Variants in OR7D2 observed in about 807,000 individuals in gnomAD.
The protein encoded by OR7D2 is olfactory receptor family 7 subfamily D member 2.
For missense variants in OR7D2, 370 were observed against 384.1 expected (o/e 0.96, Z 0.31); for synonymous variants, 158 against 158.7 (o/e 1.00, Z 0.03).
At position 9,186,675 on chromosome 19, in the gene OR7D2, G is replaced by A. The variant is rs930432833; in HGVS notation, c.894G>A (p.Lys298=). The A allele has an allele frequency of 4.3e-6, 7 of 1,613,616 alleles. No individual in the cohort carries two copies. In the African/African-American group the frequency reaches 9.3e-5, roughly 22 times the overall value. Residue 298 remains lysine, a synonymous_variant, in exon 3 of 3, where the codon AAG becomes AAA. Coordinates refer to ENST00000641288, the MANE Select transcript of OR7D2 (RefSeq NM_175883.4). ...FIYSLRNKDV[K]GALGSLLSRA... ...ACAGCCTGAGGAACAAGGATGTGAA[G>A]GGAGCCCTGGGGAGTCTCCTCAGCA...
rs748045248 is a variant in OR7D2 at position 9,186,213 on chromosome 19, G to A, written c.432G>A (p.Leu144=). The A allele has an allele frequency of 1.2e-6, 2 of 1,613,880 alleles. No homozygotes were observed. Among genetic ancestry groups the A allele is most frequent in the African/African-American group, 2.7e-5 (2 of 74,862 alleles). ...IIMNPHLCGL[L]VFVTWLIGVM... The stretch of plus-strand genomic sequence containing the variant: ...TGAACCCCCACCTCTGTGGCCTCCT[G>A]GTTTTTGTCACCTGGCTCATTGGTG... The change falls in exon 3 of 3, where the codon CTG becomes CTA. Residue 144 remains leucine, a synonymous_variant. Transcript: ENST00000641288.
chr19:9,186,639 C>T lies in OR7D2; in HGVS notation c.858C>T (p.Asn286=). ...VMYTVVTPML[N]PFIYSLRNKD... ...ACACTGTGGTCACCCCCATGTTGAA[C>T]CCCTTCATCTACAGCCTGAGGAACA... is the stretch of plus-strand genomic sequence containing the variant. Residue 286 remains asparagine, a synonymous_variant, in exon 3 of 3, where the codon AAC becomes AAT. Coordinates refer to ENST00000641288, the MANE Select transcript of OR7D2 (RefSeq NM_175883.4). The T allele has an allele frequency of 6.2e-7, 1 of 1,614,070 alleles. No individual in the cohort carries two copies. The highest frequency in any genetic ancestry group is 8.5e-7 in the Non-Finnish European group (1 of 1,180,020).
chr19:9,184,228 C>T (rs1397603023), intron 2 of OR7D2, among the ~76,000 whole-genome samples: 1 of 151,438 alleles, frequency 6.6e-6, no homozygotes, highest in African/African-American at 2.4e-5. Context: ...AACCCTGTCT[C>T]TACTAAAAAA....
At chr19:9,185,703 C>T in intron 2 of OR7D2, 66 bp from the exon 3 acceptor site, 1 of 972,366 alleles carries the variant, frequency 1.0e-6, no homozygotes, top group East Asian at 2.5e-5. Context: ...TCCATCTCAG[C>T]CTCCCGAGTA....
intron 2 of OR7D2, among the ~76,000 whole-genome samples, chr19:9,184,692 T>C (rs534210199): frequency 1.3e-5 from 2 of 152,250 alleles, no homozygotes; most frequent in African/African-American, 4.8e-5. Flanking sequence ...GAAAATGTGA[T>C]ATATATGTAT....
chr19:9,183,951 G>A lies in OR7D2; in HGVS notation c.-13-1818G>A, dbSNP rs1367847353. Among the ~76,000 whole-genome samples the A allele has an allele frequency of 7.3e-5, 4 of 54,662 alleles. No homozygotes were observed. In the South Asian group the frequency reaches 2.6e-3, roughly 36 times the overall value. 35.9% of individuals were successfully genotyped at this position (54,662 alleles called of 152,430 possible). A position where few individuals can be genotyped will look rare whatever the true frequency, so the allele number is the denominator to read the frequency against. ...CCAGCCTGGGCGACAGCAAGACTCCGTCTCAAAAAAAAAAAAAAAAAAAAA... is the reference window on the plus strand; with the variant it reads ...CCAGCCTGGGCGACAGCAAGACTCCATCTCAAAAAAAAAAAAAAAAAAAAA... On this transcript the variant is annotated intron_variant, in intron 2 of 2. Transcript: ENST00000641288.
At chr19:9,184,761 ATGTATGTGTGTGTATATATATGTATG>A (rs1224709836) in intron 2 of OR7D2, among the ~76,000 whole-genome samples, 2 of 152,070 alleles carry the variant, frequency 1.3e-5, no homozygotes. Flanking sequence ...GTGTATATAT[ATGTATGTGTGTGTATATATATGTATG>A]TGTATGTGTG....
At position 9,187,497 on chromosome 19, in the gene OR7D2, T is replaced by TA. The variant is rs150569100; in HGVS notation, c.*777_*778insA. On this transcript the variant is annotated 3_prime_UTR_variant, in exon 3 of 3. Coordinates refer to ENST00000641288, the MANE Select transcript of OR7D2 (RefSeq NM_175883.4). ...TAGATACATACCATGTTTTCTTTTT[T>TA]TAAAAAAATTTATTTTTATGTCAGT... 32,306 of 151,056 alleles carry TA rather than the reference T, an allele frequency of 0.21. 3,483 individuals are homozygous for TA. The highest frequency in any genetic ancestry group is 0.28 in the South Asian group (1,296 of 4,710). The allele number at this position is 151,056 out of a possible 1,614,324, so 9.4% of individuals were successfully genotyped here. A position where few individuals can be genotyped will look rare whatever the true frequency, so the allele number is the denominator to read the frequency against.
chr19:9,182,148 GTTTA>G (rs926425091), intron 2 of OR7D2, among the ~76,000 whole-genome samples: 4 of 152,010 alleles, frequency 2.6e-5, no homozygotes, highest in East Asian at 1.9e-4. Context: ...TGGCATTTTT[GTTTA>G]TTTATCAGTT....
Position 9,180,002 on chromosome 19 carries a change from T to TAA in OR7D2, c.-104-684_-104-683dup, listed in dbSNP as rs111281985. 5.7e-3 allele frequency among the ~76,000 whole-genome samples: 830 copies of TAA among 145,672 alleles called. 12 individuals are homozygous for TAA. The East Asian group carries it at 0.074, about 13-fold the overall frequency. On this transcript the variant is annotated intron_variant, in intron 1 of 2. Coordinates refer to ENST00000641288, the MANE Select transcript of OR7D2 (RefSeq NM_175883.4). ...TGGGCAACAAGAACAAAACTCCGTC[T>TAA]AAAAAAAAAAAAATCAACAAAGCAA...
rs2051051477 is a variant in OR7D2, at chr19:9,188,021, A to C, written c.*1301A>C. 6.0e-6 allele frequency: 1 copy of C among 166,144 alleles called. No homozygotes were observed. Among genetic ancestry groups the C allele is most frequent in the African/African-American group, 2.4e-5 (1 of 41,374 alleles). The allele number at this position is 166,144 out of a possible 1,614,324, so 10.3% of individuals were successfully genotyped here. A position where few individuals can be genotyped will look rare whatever the true frequency, so the allele number is the denominator to read the frequency against. On this transcript the variant is annotated 3_prime_UTR_variant, in exon 3 of 3. Coordinates refer to ENST00000641288, the MANE Select transcript of OR7D2 (RefSeq NM_175883.4). ...GTGTATGTGTCTTTTTCACATAATG[A>C]CTTTGTTTCCTTTGGGTAGATACCC...
At chr19:9,181,417 C>T (rs2050988416) in intron 2 of OR7D2, among the ~76,000 whole-genome samples, 1 of 146,560 alleles carries the variant, frequency 6.8e-6, no homozygotes, top group Non-Finnish European at 1.5e-5. Context: ...TCTTTTTTGC[C>T]TCCTTTAATC....
Position 9,188,565 on chromosome 19 carries a change from C to A in OR7D2, c.*1845C>A. The A allele has an allele frequency of 6.0e-6, 1 of 167,096 alleles. No homozygotes were observed. The highest frequency in any genetic ancestry group is 1.5e-5 in the Non-Finnish European group (1 of 68,124). 10.4% of individuals were successfully genotyped at this position (167,096 alleles called of 1,614,324 possible). A position where few individuals can be genotyped will look rare whatever the true frequency, so the allele number is the denominator to read the frequency against. On this transcript the variant is annotated 3_prime_UTR_variant, in exon 3 of 3. Transcript: ENST00000641288. ...TGGCACTTCTGTCCTATGTGCTATT[C>A]AAAAATTGTGTCCTTGATCATCGTT...
chr19:9,182,993 A>T, intron 2 of OR7D2: 3 of 462,844 alleles, frequency 6.5e-6, no homozygotes, highest in Non-Finnish European at 1.3e-5. Context: ...TATCAATTTG[A>T]CATACACGGC....
At position 9,185,735 on chromosome 19, in the gene OR7D2, C is replaced by A. The variant is rs750999131; in HGVS notation, c.-13-34C>A. 9 of 1,369,218 alleles carry A rather than the reference C, an allele frequency of 6.6e-6. No individual in the cohort carries two copies. The South Asian group carries it at 1.1e-4, about 17-fold the overall frequency. The allele number at this position is 1,369,218 out of a possible 1,614,324, so 84.8% of individuals were successfully genotyped here. On this transcript the variant is annotated intron_variant, in intron 2 of 2. Coordinates refer to ENST00000641288, the MANE Select transcript of OR7D2 (RefSeq NM_175883.4). ...AGTAGCTGGGACTACAGGTGTCCACCACCATGCCTGGCTAATGACCTCTTC... is the reference window on the plus strand; with the variant it reads ...AGTAGCTGGGACTACAGGTGTCCACAACCATGCCTGGCTAATGACCTCTTC...
At chr19:9,180,014 A>C (rs2145977913) in intron 1 of OR7D2, among the ~76,000 whole-genome samples, 1 of 151,826 alleles carries the variant, frequency 6.6e-6, no homozygotes, top group East Asian at 1.9e-4. Flanking sequence ...AAAAAAAAAA[A>C]ATCAACAAAG....
chr19:9,179,833 GTC>G (rs770197120), intron 1 of OR7D2, among the ~76,000 whole-genome samples: 1 of 151,600 alleles, frequency 6.6e-6, no homozygotes, highest in East Asian at 2.0e-4. Flanking sequence ...GTGAAACCCT[GTC>G]TCTACTAAAA....
Position 9,186,760 on chromosome 19 carries a change from C to A in OR7D2, c.*40C>A, listed in dbSNP as rs1198139635. On this transcript the variant is annotated 3_prime_UTR_variant, in exon 3 of 3. Transcript: ENST00000641288. ...CCAGGACTAAGAAGTTTTGTGAGCA[C>A]CAATGGCAAAAATGTTTTATTTTGA... 2 of 1,320,668 alleles carry A rather than the reference C, an allele frequency of 1.5e-6. No individual in the cohort carries two copies. The highest frequency in any genetic ancestry group is 1.5e-5 in the African/African-American group (1 of 67,406). 81.8% of individuals were successfully genotyped at this position (1,320,668 alleles called of 1,614,324 possible).
Position 9,186,233 on chromosome 19 carries a change from T to C in OR7D2, c.452T>C (p.Ile151Thr), listed in dbSNP as rs1165696624. Residue 151 changes from isoleucine (I) to threonine (T), a missense_variant, in exon 3 of 3, where the codon ATT becomes ACT. Coordinates refer to ENST00000641288, the MANE Select transcript of OR7D2 (RefSeq NM_175883.4). ...CGLLVFVTWL[I>T]GVMTSLLHIS... ...CTCCTGGTTTTTGTCACCTGGCTCA[T>C]TGGTGTCATGACATCCCTCCTCCAT... The C allele has an allele frequency of 1.2e-6, 2 of 1,614,126 alleles. No individual in the cohort carries two copies. Among genetic ancestry groups the C allele is most frequent in the African/African-American group, 2.7e-5 (2 of 75,044 alleles).
Sources: gnomAD v4.1 joint callset for allele counts (sites outside exome capture counted in the v4.1 genomes callset) on GRCh38, gnomAD v4.1.1 for gene constraint, MANE v1.5 for transcripts, NCBI Gene and HGNC (gene_info 2026-07-23, HGNC 2026-07-21) for gene names.